Variants in LRRC4C observed in about 807,000 individuals in gnomAD.
LRRC4C encodes the protein leucine-rich repeat-containing protein 4C.
LRRC4C carries 5 observed loss-of-function variants against 33.6 expected under a neutral mutation model. The observed-to-expected ratio is 0.15, with a 90% CI of 0.08 to 0.31. LRRC4C has a LOEUF of 0.31. Ranked by LOEUF, LRRC4C falls within the 10% of genes least tolerant of loss-of-function variation. LRRC4C has a pLI of 1.00. For missense variants in LRRC4C, 560 were observed against 796.7 expected, an observed-to-expected ratio of 0.70 and a Z score of 3.58; for synonymous variants, 329 against 302.0, an observed-to-expected ratio of 1.09 and a Z score of -0.93.
chr11:40,435,678 A>G (rs1951112503), intron 3 of LRRC4C, among the ~76,000 whole-genome samples: 1 of 152,174 alleles, frequency 6.6e-6, no homozygotes. Flanking sequence ...CTGGCTGCTT[A>G]GTGGAAAAAC....
intron 2 of LRRC4C, among the ~76,000 whole-genome samples, chr11:40,739,762 C>T (rs952524686): frequency 6.6e-6 from 1 of 151,980 alleles, no homozygotes; most frequent in African/African-American, 2.4e-5. Flanking sequence ...AAGTTGCCTG[C>T]CTCCTCTTCT....
intron 2 of LRRC4C, among the ~76,000 whole-genome samples, chr11:40,742,205 T>C (rs1948191442): frequency 6.6e-6 from 1 of 152,006 alleles, no homozygotes; most frequent in South Asian, 2.1e-4. Context: ...TTCAAAGATG[T>C]CTTTGAGGCA....
intron 1 of LRRC4C, among the ~76,000 whole-genome samples, chr11:41,311,905 T>C (rs989997657): frequency 1.3e-5 from 2 of 152,198 alleles, no homozygotes; most frequent in Non-Finnish European, 2.9e-5. Context: ...TTTCTCTGTC[T>C]TATTTACAGC....
intron 2 of LRRC4C, among the ~76,000 whole-genome samples, chr11:40,658,403 A>C (rs1208039295): frequency 6.6e-6 from 1 of 152,320 alleles, no homozygotes; most frequent in East Asian, 1.9e-4. Flanking sequence ...TGTAACCATA[A>C]CACTTCTGTT....
chr11:40,876,844 A>C (rs1042138168), intron 2 of LRRC4C, among the ~76,000 whole-genome samples: 1 of 145,378 alleles, frequency 6.9e-6, no homozygotes, highest in African/African-American at 2.5e-5. Flanking sequence ...TGGGGGTTGT[A>C]GTGAGCCAGG....
chr11:41,419,715 TC>T (rs1225060346), intron 1 of LRRC4C, among the ~76,000 whole-genome samples: 1 of 151,904 alleles, frequency 6.6e-6, no homozygotes, highest in African/African-American at 2.4e-5. Context: ...CACAAAACTC[TC>T]CATAAACCAC....
At chr11:40,858,008 AC>A (rs1447715369) in intron 2 of LRRC4C, among the ~76,000 whole-genome samples, 92 of 79,948 alleles carry the variant, frequency 1.2e-3, no homozygotes, top group African/African-American at 3.1e-3. Context: ...AGGGACAGGG[AC>A]AAGGAAAGGA....
intron 3 of LRRC4C, among the ~76,000 whole-genome samples, chr11:40,513,733 C>A (rs1050077115): frequency 6.6e-6 from 1 of 152,134 alleles, no homozygotes; most frequent in African/African-American, 2.4e-5. Flanking sequence ...TGAGTTTTTT[C>A]TATTTCCTAT....
chr11:41,250,131 T>A (rs766562119), intron 1 of LRRC4C, among the ~76,000 whole-genome samples: 19 of 152,174 alleles, frequency 1.2e-4, no homozygotes, highest in Non-Finnish European at 2.4e-4. Context: ...ATCATGCCAC[T>A]GCACTCCAGC....
At chr11:41,285,532 G>A (rs1353032101) in intron 1 of LRRC4C, among the ~76,000 whole-genome samples, 1 of 152,106 alleles carries the variant, frequency 6.6e-6, no homozygotes, top group Non-Finnish European at 1.5e-5. Context: ...CACATATATT[G>A]AACACACTTT....
intron 1 of LRRC4C, among the ~76,000 whole-genome samples, chr11:41,405,293 A>C (rs1954188051): frequency 1.3e-5 from 2 of 152,180 alleles, no homozygotes; most frequent in African/African-American, 4.8e-5. Flanking sequence ...AATAATGATA[A>C]TAAAGCACAT....
intron 3 of LRRC4C, among the ~76,000 whole-genome samples, chr11:40,576,744 T>C (rs1410469207): frequency 6.6e-6 from 1 of 152,258 alleles, no homozygotes; most frequent in Non-Finnish European, 1.5e-5. Context: ...AATTATCACA[T>C]TGTATCATGA....
chr11:41,065,730 C>T (rs1023568842), intron 1 of LRRC4C, among the ~76,000 whole-genome samples: 1 of 152,198 alleles, frequency 6.6e-6, no homozygotes, highest in Non-Finnish European at 1.5e-5. Flanking sequence ...AGGTAGCAAT[C>T]TTTGCTGTTC....
At position 40,678,090 on chromosome 11, in the gene LRRC4C, G is replaced by A. The variant is rs183227954; in HGVS notation, c.-406-29812C>T. 4.1e-3 allele frequency among the ~76,000 whole-genome samples: 619 copies of A among 151,778 alleles called. 4 individuals are homozygous for A. The highest frequency in any genetic ancestry group is 0.013 in the African/African-American group (555 of 41,386). On this transcript the variant is annotated intron_variant, in intron 2 of 6. Coordinates refer to ENST00000528697, the MANE Select transcript of LRRC4C (RefSeq NM_001258419.2). Reference sequence around the variant, plus strand: ...AACCACTATCTTGGGGGTAGGGTGGGTTCTGCTAATACTAGATAAATACTA... The same window carrying A: ...AACCACTATCTTGGGGGTAGGGTGGATTCTGCTAATACTAGATAAATACTA...
intron 1 of LRRC4C, among the ~76,000 whole-genome samples, chr11:41,230,875 C>T (rs1469810317): frequency 2.8e-5 from 4 of 144,456 alleles, no homozygotes; most frequent in Non-Finnish European, 4.5e-5. Context: ...GGGCTAATAT[C>T]CAGAATCTAC....
At position 40,120,696 on chromosome 11, in the gene LRRC4C, G is replaced by A. The variant is rs551308412; in HGVS notation, c.-42-4362C>T. Among the ~76,000 whole-genome samples the A allele has an allele frequency of 2.6e-3, 400 of 152,214 alleles. 1 individual carries two copies. The highest frequency in any genetic ancestry group is 0.01 in the Middle Eastern group (3 of 294). ...AATCCTAGGGTCTCAGGCAAAACAG[G>A]TAGAAATAACTGGTTGACTGGAAAT... On this transcript the variant is annotated intron_variant, in intron 6 of 6. Coordinates refer to ENST00000528697, the MANE Select transcript of LRRC4C (RefSeq NM_001258419.2).
At chr11:40,736,070 T>C (rs1947852364) in intron 2 of LRRC4C, among the ~76,000 whole-genome samples, 1 of 152,090 alleles carries the variant, frequency 6.6e-6, no homozygotes, top group South Asian at 2.1e-4. Flanking sequence ...AAGTGCAGGT[T>C]TGTTACATAG....
At chr11:40,832,653 A>C (rs1000427087) in intron 2 of LRRC4C, among the ~76,000 whole-genome samples, 1 of 152,130 alleles carries the variant, frequency 6.6e-6, no homozygotes, top group Admixed American at 6.6e-5. Flanking sequence ...CTCTCTACCA[A>C]CTTTTTCTGG....
At chr11:40,308,689 C>A (rs1222575544) in intron 4 of LRRC4C, among the ~76,000 whole-genome samples, 1 of 152,134 alleles carries the variant, frequency 6.6e-6, no homozygotes, top group East Asian at 1.9e-4. Flanking sequence ...CCTTGATCCA[C>A]TGAGGTGGCC....
Sources: gnomAD v4.1 joint callset for allele counts (sites outside exome capture counted in the v4.1 genomes callset) on GRCh38, gnomAD v4.1.1 for gene constraint, MANE v1.5 for transcripts, NCBI Gene and HGNC (gene_info 2026-07-23, HGNC 2026-07-21) for gene names.